LYPD6: variants seen among roughly 807,000 people sequenced by gnomAD.
The protein encoded by LYPD6 is ly6/PLAUR domain-containing protein 6.
A neutral mutation model predicts 22.7 loss-of-function variants in LYPD6; 15 were observed. The ratio of observed to expected loss-of-function variants is 0.66; its 90% CI spans 0.44 to 1.02. The LOEUF is 1.02. LYPD6 is among the 50% of genes least tolerant of loss of function. LYPD6 has a pLI of 0.00. For synonymous variants in LYPD6, 72 were observed against 77.5 expected, an observed-to-expected ratio of 0.93 and a Z score of 0.37; for missense variants, 189 against 208.4, an observed-to-expected ratio of 0.91 and a Z score of 0.57.
intron 1 of LYPD6, among the ~76,000 whole-genome samples, chr2:149,334,067 C>G (rs752979003): frequency 1.3e-5 from 2 of 151,962 alleles, no homozygotes; most frequent in Non-Finnish European, 2.9e-5. Flanking sequence ...GTCTTGTACC[C>G]AAGCTCTGTA....
At chr2:149,440,922 G>T (rs1573810561) in intron 2 of LYPD6, among the ~76,000 whole-genome samples, 1 of 151,718 alleles carries the variant, frequency 6.6e-6, no homozygotes, top group East Asian at 1.9e-4. Context: ...AGCCAGGATG[G>T]TCTCCATCTC....
chr2:149,473,557 G>A lies in LYPD6; in HGVS notation c.*2707G>A, dbSNP rs1458084874. The A allele has an allele frequency of 1.3e-5, 2 of 152,362 alleles. No individual in the cohort carries two copies. Among genetic ancestry groups the A allele is most frequent in the Non-Finnish European group, 2.9e-5 (2 of 68,042 alleles). 9.4% of individuals were successfully genotyped at this position (152,362 alleles called of 1,614,324 possible). A position where few individuals can be genotyped will look rare whatever the true frequency, so the allele number is the denominator to read the frequency against. ...CTCTCCACAGCATTCATGTCAATAT[G>A]GGATTAATGCCTAAACTTTGTAAAT... On this transcript the variant is annotated 3_prime_UTR_variant, in exon 5 of 5. Transcript: ENST00000334166.
At chr2:149,339,536 G>A (rs1335448075) in intron 1 of LYPD6, among the ~76,000 whole-genome samples, 2 of 152,144 alleles carry the variant, frequency 1.3e-5, no homozygotes, top group Non-Finnish European at 2.9e-5. Context: ...TTACTATGAC[G>A]TTTTTACTCT....
At chr2:149,428,831 G>C (rs74508002) in intron 1 of LYPD6, among the ~76,000 whole-genome samples, 1 of 152,082 alleles carries the variant, frequency 6.6e-6, no homozygotes, top group Non-Finnish European at 1.5e-5. Context: ...GTAATGGAGT[G>C]GTATTCAATT....
intron 1 of LYPD6, among the ~76,000 whole-genome samples, chr2:149,346,826 A>G (rs2105054542): frequency 6.6e-6 from 1 of 152,168 alleles, no homozygotes; most frequent in East Asian, 1.9e-4. Flanking sequence ...TCAGCCTCCC[A>G]AGTAGCTGGG....
chr2:149,376,724 G>A (rs1461053890), intron 1 of LYPD6, among the ~76,000 whole-genome samples: 1 of 151,978 alleles, frequency 6.6e-6, no homozygotes, highest in Admixed American at 6.6e-5. Flanking sequence ...TTCTTATCTG[G>A]GATAAGCAAC....
At chr2:149,457,754 C>T (rs968083030) in intron 3 of LYPD6, among the ~76,000 whole-genome samples, 3 of 152,066 alleles carry the variant, frequency 2.0e-5, no homozygotes, top group Non-Finnish European at 2.9e-5. Context: ...ATTCCTCCTG[C>T]TAAGTATGAC....
intron 1 of LYPD6, among the ~76,000 whole-genome samples, chr2:149,339,436 A>G (rs760167790): frequency 2.6e-5 from 4 of 152,180 alleles, no homozygotes; most frequent in Non-Finnish European, 4.4e-5. Context: ...TTCCAGAATC[A>G]TGGCCCTCAG....
At chr2:149,444,263 T>C (rs1200571613) in intron 2 of LYPD6, among the ~76,000 whole-genome samples, 1 of 152,182 alleles carries the variant, frequency 6.6e-6, no homozygotes, top group African/African-American at 2.4e-5. Context: ...TTAAAAAGAC[T>C]TCATTGCTAA....
At chr2:149,375,842 A>G (rs1369572159) in intron 1 of LYPD6, among the ~76,000 whole-genome samples, 1 of 152,220 alleles carries the variant, frequency 6.6e-6, no homozygotes, top group Non-Finnish European at 1.5e-5. Flanking sequence ...GGACTGGGAT[A>G]CTGAGAGAGT....
chr2:149,457,248 G>T (rs1436837580), intron 3 of LYPD6, among the ~76,000 whole-genome samples: 1 of 152,094 alleles, frequency 6.6e-6, no homozygotes, highest in East Asian at 1.9e-4. Flanking sequence ...AATTTGATGA[G>T]ACTATTCAAA....
intron 1 of LYPD6, among the ~76,000 whole-genome samples, chr2:149,377,510 G>A (rs1312947592): frequency 2.0e-5 from 3 of 152,188 alleles, no homozygotes; most frequent in Middle Eastern, 3.2e-3. Flanking sequence ...GCTGGGTGCG[G>A]TGGCTCATAC....
chr2:149,367,083 A>T (rs1305127923), intron 1 of LYPD6, among the ~76,000 whole-genome samples: 2 of 151,790 alleles, frequency 1.3e-5, no homozygotes, highest in Non-Finnish European at 2.9e-5. Context: ...GATAAAGGAG[A>T]TTGTATGAAT....
intron 1 of LYPD6, among the ~76,000 whole-genome samples, chr2:149,358,536 G>C (rs189729799): frequency 1.4e-4 from 22 of 152,262 alleles, no homozygotes; most frequent in Admixed American, 1.3e-3. Context: ...AGCATAAAGC[G>C]GCATGGGCAA....
chr2:149,407,937 G>A (rs1361168949), intron 1 of LYPD6, among the ~76,000 whole-genome samples: 3 of 151,708 alleles, frequency 2.0e-5, no homozygotes, highest in Admixed American at 6.6e-5. Flanking sequence ...CTGTTTGTTA[G>A]TTTTCCTTCT....
At chr2:149,480,138 T>G in the LYPD6 span, among the ~76,000 whole-genome samples, 22 of 152,030 alleles carry the variant, frequency 1.4e-4, no homozygotes, top group Non-Finnish European at 2.9e-4. Context: ...ACCTCCCAAG[T>G]AGCTGGGATT....
At chr2:149,442,355 T>C (rs1683587150) in intron 2 of LYPD6, among the ~76,000 whole-genome samples, 1 of 152,206 alleles carries the variant, frequency 6.6e-6, no homozygotes, top group Admixed American at 6.5e-5. Flanking sequence ...AAATAAATTA[T>C]GGTCGGTTGA....
At chr2:149,403,175 G>A (rs1051025400) in intron 1 of LYPD6, among the ~76,000 whole-genome samples, 3 of 152,070 alleles carry the variant, frequency 2.0e-5, no homozygotes, top group Non-Finnish European at 4.4e-5. Flanking sequence ...ATTGTGAATA[G>A]TGCCGCAGTA....
chr2:149,453,506 T>G (rs141222029), intron 3 of LYPD6, among the ~76,000 whole-genome samples: 1 of 152,292 alleles, frequency 6.6e-6, no homozygotes, highest in African/African-American at 2.4e-5. Flanking sequence ...TGATATATAA[T>G]CAGAAAAAGA....
Sources: allele counts gnomAD v4.1 joint callset (sites outside exome capture counted in the v4.1 genomes callset), GRCh38; gene constraint gnomAD v4.1.1; transcripts MANE v1.5; gene names NCBI Gene and HGNC (gene_info 2026-07-23, HGNC 2026-07-21).